The following WWOX variants were observed in gnomAD, a reference collection of about 807,000 sequenced individuals.
The protein encoded by WWOX is WW domain-containing oxidoreductase.
A neutral mutation model predicts 46.2 loss-of-function variants in WWOX; 69 were observed. The ratio of observed to expected loss-of-function variants is 1.49; its 90% confidence interval spans 1.23 to 1.82. The LOEUF (loss-of-function observed/expected upper bound fraction) is 1.82, where lower values mean the gene tolerates loss of function less well. Ranked by LOEUF, WWOX falls within the 40% of genes most tolerant of loss-of-function variation. The pLI is 0.00. For missense variants in WWOX, 919 were observed against 542.6 expected, an observed-to-expected ratio of 1.69 and a Z score of -6.89; for synonymous variants, 359 against 202.6, an observed-to-expected ratio of 1.77 and a Z score of -6.56.
At chr16:78,841,497 C>G (rs912776466) in intron 8 of WWOX, among the ~76,000 whole-genome samples, 3 of 152,154 alleles carry the variant, frequency 2.0e-5, no homozygotes, top group Non-Finnish European at 2.9e-5. Context: ...GCAAATGCTA[C>G]TAATAAGGAT....
At chr16:78,285,446 C>A (rs4888774) in intron 5 of WWOX, among the ~76,000 whole-genome samples, 19 of 150,342 alleles carry the variant, frequency 1.3e-4, no homozygotes, top group South Asian at 8.4e-4. Context: ...AAAATAAAAA[C>A]TAAAAAAAAA....
At chr16:78,784,784 A>G (rs1204951822) in intron 8 of WWOX, among the ~76,000 whole-genome samples, 1 of 152,088 alleles carries the variant, frequency 6.6e-6, no homozygotes, top group Non-Finnish European at 1.5e-5. Context: ...TCAGCTCCTG[A>G]CCTTCATAAT....
chr16:78,241,839 T>C (rs1055356888), intron 5 of WWOX, among the ~76,000 whole-genome samples: 1 of 152,192 alleles, frequency 6.6e-6, no homozygotes, highest in Admixed American at 6.5e-5. Context: ...TGGTCACTGC[T>C]CCCCTTCTTG....
chr16:78,477,026 A>C (rs746203682), intron 8 of WWOX, among the ~76,000 whole-genome samples: 4 of 152,068 alleles, frequency 2.6e-5, no homozygotes, highest in Admixed American at 6.6e-5. Context: ...TAATTAAATA[A>C]ATTATTTATA....
chr16:79,199,336 C>T (rs1025807660), intron 8 of WWOX, among the ~76,000 whole-genome samples: 18 of 152,136 alleles, frequency 1.2e-4, no homozygotes, highest in African/African-American at 3.9e-4. Flanking sequence ...GTGTTGAGAT[C>T]ACAGGTGTGA....
At position 79,137,075 on chromosome 16, in the gene WWOX, C is replaced by G. The variant is rs144483599; in HGVS notation, c.1057-74533C>G. ...TTAGTCGTAGCCCTCCATCTGCCAG[C>G]TAATTCCGGTTTCATTAATATGAAT... On this transcript the variant is annotated intron_variant, in intron 8 of 8. Transcript: ENST00000566780. Among the ~76,000 whole-genome samples the G allele has an allele frequency of 2.6e-5, 4 of 152,270 alleles. No individual in the cohort carries two copies. In the East Asian group the frequency reaches 7.7e-4, roughly 29 times the overall value.
At chr16:79,194,033 T>C (rs2051189939) in intron 8 of WWOX, among the ~76,000 whole-genome samples, 1 of 152,196 alleles carries the variant, frequency 6.6e-6, no homozygotes, top group Non-Finnish European at 1.5e-5. Context: ...AAAATCTTAG[T>C]AAATCTAGCT....
chr16:78,714,801 C>G (rs564876547), intron 8 of WWOX, among the ~76,000 whole-genome samples: 5 of 152,160 alleles, frequency 3.3e-5, no homozygotes, highest in Middle Eastern at 6.8e-3. Context: ...CCTTGTAAAC[C>G]AAGGTGAGGA....
At chr16:79,122,689 A>G (rs897123053) in intron 8 of WWOX, among the ~76,000 whole-genome samples, 1 of 151,244 alleles carries the variant, frequency 6.6e-6, no homozygotes, top group Non-Finnish European at 1.5e-5. Context: ...CTCGCAGGAA[A>G]TAACCGTAAG....
At chr16:78,445,336 A>T (rs1167868313) in intron 8 of WWOX, among the ~76,000 whole-genome samples, 1 of 152,324 alleles carries the variant, frequency 6.6e-6, no homozygotes, top group Admixed American at 6.5e-5. Flanking sequence ...GGCCACAAAA[A>T]TCATGTCACA....
At chr16:78,649,822 C>G (rs781438051) in intron 8 of WWOX, among the ~76,000 whole-genome samples, 1 of 152,162 alleles carries the variant, frequency 6.6e-6, no homozygotes, top group African/African-American at 2.4e-5. Flanking sequence ...TTTTGCAGGT[C>G]TGATTGATGG....
intron 8 of WWOX, among the ~76,000 whole-genome samples, chr16:78,770,109 T>C (rs2050028016): frequency 6.6e-6 from 1 of 151,988 alleles, no homozygotes; most frequent in South Asian, 2.1e-4. Flanking sequence ...CCCAGCACTT[T>C]GGGAATACGA....
rs1181579354 is a variant in WWOX at position 79,029,303 on chromosome 16, C to T, written c.1057-182305C>T. 9.2e-5 allele frequency among the ~76,000 whole-genome samples: 14 copies of T among 152,258 alleles called. No homozygotes were observed. The East Asian group carries it at 2.7e-3, about 29-fold the overall frequency. On this transcript the variant is annotated intron_variant, in intron 8 of 8. Transcript: ENST00000566780. ...TGTTTCTTACATCCTCAGCTGCAGG[C>T]ATGGGGAAGAGACGCACATCAGCCA...
At chr16:78,292,000 CAA>C (rs891232706) in intron 5 of WWOX, among the ~76,000 whole-genome samples, 7 of 150,102 alleles carry the variant, frequency 4.7e-5, no homozygotes, top group Admixed American at 4.6e-4. Context: ...CCCTGTGTAA[CAA>C]AGTCAGATTC....
chr16:78,440,379 A>G (rs1939517938), intron 8 of WWOX, among the ~76,000 whole-genome samples: 1 of 152,052 alleles, frequency 6.6e-6, no homozygotes, highest in Non-Finnish European at 1.5e-5. Flanking sequence ...CTCCACTCTT[A>G]ATTTCTACCC....
chr16:78,168,279 T>A (rs537631477), intron 5 of WWOX: 15 of 152,396 alleles, frequency 9.8e-5, no homozygotes, highest in South Asian at 2.1e-4. Flanking sequence ...GGGATCGCCA[T>A]GTTCTAGAAC....
intron 5 of WWOX, among the ~76,000 whole-genome samples, chr16:78,334,829 C>T (rs62034405): frequency 0.21 from 27,650 of 129,358 alleles, 3,043 homozygotes; most frequent in East Asian, 0.46. Flanking sequence ...CACACACACA[C>T]ACATACACAC....
intron 8 of WWOX, among the ~76,000 whole-genome samples, chr16:78,464,418 T>G (rs1330720090): frequency 6.6e-6 from 1 of 152,082 alleles, no homozygotes; most frequent in Non-Finnish European, 1.5e-5. Context: ...GGCCAAAAGT[T>G]AATGCTCCGT....
intron 5 of WWOX, among the ~76,000 whole-genome samples, chr16:78,302,705 C>G (rs2080062507): frequency 6.6e-6 from 1 of 152,200 alleles, no homozygotes; most frequent in African/African-American, 2.4e-5. Context: ...TGTCTCCCTT[C>G]TCAGTCGAAG....
Sources: allele counts gnomAD v4.1 joint callset (sites outside exome capture counted in the v4.1 genomes callset), GRCh38; gene constraint gnomAD v4.1.1; transcripts MANE v1.5; gene names NCBI Gene and HGNC (gene_info 2026-07-23, HGNC 2026-07-21).